SGCD: variants seen among roughly 807,000 people sequenced by gnomAD.
SGCD encodes the protein delta-sarcoglycan.
SGCD carries 18 observed loss-of-function variants against 36.6 expected under a neutral mutation model. That is an observed-to-expected ratio of 0.49 (90% CI 0.34 to 0.73). The LOEUF (loss-of-function observed/expected upper bound fraction) is 0.73, where lower values mean the gene tolerates loss of function less well. Among genes scored for constraint, SGCD ranks in the 30% least tolerant of loss-of-function variants. The pLI, the probability that SGCD is intolerant of heterozygous loss-of-function variation, is 0.01. For missense variants in SGCD, 387 were observed against 346.7 expected (o/e 1.12, Z -0.92); for synonymous variants, 133 against 130.6 (o/e 1.02, Z -0.12).
At chr5:155,933,093 A>C (rs949174842) in intron 1 of SGCD, among the ~76,000 whole-genome samples, 4 of 152,230 alleles carry the variant, frequency 2.6e-5, no homozygotes, top group Admixed American at 1.3e-4. Flanking sequence ...CCAAACCTCA[A>C]AGTTCCTATG....
intron 3 of SGCD, among the ~76,000 whole-genome samples, chr5:156,396,107 C>T (rs1043065496): frequency 2.6e-5 from 4 of 152,150 alleles, no homozygotes; most frequent in East Asian, 1.9e-4. Context: ...AAGTAAGCCC[C>T]GGAGGAGTTG....
upstream of SGCD, among the ~76,000 whole-genome samples, chr5:156,323,604 A>C (rs1220418187): frequency 6.6e-6 from 1 of 152,236 alleles, no homozygotes; most frequent in African/African-American, 2.4e-5. Flanking sequence ...GCTTATATTC[A>C]AGTGAAGATT....
chr5:156,759,309 C>T lies in SGCD; in HGVS notation c.792C>T (p.Cys264=), dbSNP rs367616773. The T allele has an allele frequency of 4.2e-5, 67 of 1,613,354 alleles. No individual in the cohort carries two copies. The highest frequency in any genetic ancestry group is 9.3e-5 in the African/African-American group (7 of 75,024). ...TGTRQKVFEI[C]VCANGRLFLS... ...CGAGGCAGAAGGTCTTCGAGATCTG[C>T]GTCTGCGCCAATGGGAGATTATTCC... is the stretch of plus-strand genomic sequence containing the variant. The change falls in exon 9 of 9, where the codon TGC becomes TGT. Residue 264 remains cysteine (C), a synonymous_variant. Transcript: ENST00000337851.
intron 3 of SGCD, among the ~76,000 whole-genome samples, chr5:156,445,304 G>A (rs890674511): frequency 2.6e-5 from 4 of 152,090 alleles, no homozygotes; most frequent in African/African-American, 4.8e-5. Context: ...TATGACTATA[G>A]GTAGCCAGAA....
the SGCD span, among the ~76,000 whole-genome samples, chr5:155,730,890 A>G: frequency 9.9e-5 from 15 of 152,198 alleles, no homozygotes; most frequent in Non-Finnish European, 2.2e-4. Flanking sequence ...CTGGCAGCAG[A>G]TCATCAAGGA....
chr5:155,787,601 GTTC>G, the SGCD span, among the ~76,000 whole-genome samples: 1 of 152,080 alleles, frequency 6.6e-6, no homozygotes, highest in African/African-American at 2.4e-5. Context: ...GAGTGTTGTG[GTTC>G]TTCCAGTTGC....
chr5:155,983,069 TTAAA>T (rs1758260960), intron 1 of SGCD, among the ~76,000 whole-genome samples: 1 of 152,204 alleles, frequency 6.6e-6, no homozygotes, highest in African/African-American at 2.4e-5. Flanking sequence ...CTTGTGTTTT[TTAAA>T]TACTTTTTTC....
Position 156,122,896 on chromosome 5 carries a change from G to C in SGCD, c.-207-960G>C, listed in dbSNP as rs958442. On this transcript the variant is annotated intron_variant, in intron 2 of 9. Coordinates refer to the SGCD transcript ENST00000517913. ...AAAAAAAAAAAAAAGGTCAGCTGCTGGATTTATTCTGAAGATAGTGCCACC... is the reference window on the plus strand; with the variant it reads ...AAAAAAAAAAAAAAGGTCAGCTGCTCGATTTATTCTGAAGATAGTGCCACC... Among the ~76,000 whole-genome samples, 1,146 of 134,928 alleles carry C rather than the reference G, an allele frequency of 8.5e-3. 67 individuals are homozygous for C. The East Asian group carries it at 0.17, about 20-fold the overall frequency. The allele number at this position is 134,928 out of a possible 152,430, so 88.5% of individuals were successfully genotyped here.
chr5:156,335,483 C>T (rs1046411057), intron 2 of SGCD, among the ~76,000 whole-genome samples: 14 of 152,122 alleles, frequency 9.2e-5, no homozygotes, highest in Admixed American at 3.3e-4. Flanking sequence ...ATTCATGTCC[C>T]GAAGCCCAGT....
chr5:155,937,158 C>A (rs891856269), intron 1 of SGCD, among the ~76,000 whole-genome samples: 2 of 152,132 alleles, frequency 1.3e-5, no homozygotes, highest in African/African-American at 4.8e-5. Flanking sequence ...CAGAGAGGCC[C>A]GGGTCTGCAG....
chr5:156,179,316 G>A (rs191830563), intron 3 of SGCD, among the ~76,000 whole-genome samples: 1 of 151,982 alleles, frequency 6.6e-6, no homozygotes, highest in Non-Finnish European at 1.5e-5. Context: ...GCAGCTACAT[G>A]CAATTTTTCA....
intron 3 of SGCD, among the ~76,000 whole-genome samples, chr5:156,346,778 C>CTTTTTTT (rs138672769): frequency 6.6e-6 from 1 of 150,704 alleles, no homozygotes. Context: ...TTGGGCTTTA[C>CTTTTTTT]TTTATTTTTT....
chr5:156,636,407 C>T (rs926199845), intron 6 of SGCD, among the ~76,000 whole-genome samples: 1 of 152,090 alleles, frequency 6.6e-6, no homozygotes, highest in Non-Finnish European at 1.5e-5. Flanking sequence ...CAAAGACTCC[C>T]ATAACAGGGT....
chr5:156,718,541 A>G (rs1266712615), intron 7 of SGCD, among the ~76,000 whole-genome samples: 1 of 152,086 alleles, frequency 6.6e-6, no homozygotes, highest in African/African-American at 2.4e-5. Flanking sequence ...GTACTTTGGG[A>G]GGCCGAGGTG....
At chr5:156,619,504 T>C (rs1260010186) in intron 6 of SGCD, among the ~76,000 whole-genome samples, 1 of 152,220 alleles carries the variant, frequency 6.6e-6, no homozygotes, top group Non-Finnish European at 1.5e-5. Flanking sequence ...CAGAGTATTT[T>C]CAAATGAGGA....
At chr5:156,755,146 T>C (rs1561898441) in intron 7 of SGCD, among the ~76,000 whole-genome samples, 1 of 152,174 alleles carries the variant, frequency 6.6e-6, no homozygotes, top group Non-Finnish European at 1.5e-5. Context: ...GAAGAAAGAT[T>C]TGTCCATGGT....
intron 1 of SGCD, among the ~76,000 whole-genome samples, chr5:155,904,640 G>T (rs1209280140): frequency 6.6e-6 from 1 of 152,142 alleles, no homozygotes; most frequent in African/African-American, 2.4e-5. Flanking sequence ...TTGTGCTTAT[G>T]ATCTGCTGAG....
intron 3 of SGCD, among the ~76,000 whole-genome samples, chr5:156,431,470 A>G (rs1753007741): frequency 6.6e-6 from 1 of 152,080 alleles, no homozygotes; most frequent in South Asian, 2.1e-4. Flanking sequence ...CCCCTTCTCC[A>G]AGTCCCTTCC....
In SGCD at chr5:156,307,445, T is replaced by A. The variant is rs142936055; in HGVS notation, c.-43-22089T>A. Among the ~76,000 whole-genome samples the A allele has an allele frequency of 6.3e-3, 960 of 152,246 alleles. 9 individuals carry two copies. Among genetic ancestry groups the A allele is most frequent in the African/African-American group, 0.018 (758 of 41,562 alleles). On this transcript the variant is annotated intron_variant, in intron 3 of 9. Transcript: ENST00000517913. The stretch of plus-strand genomic sequence containing the variant: ...CACATATTTAAATCCATTCTGCCAA[T>A]CTCTGTCTTTTTTATTAGAGAATTT...
Sources: allele counts gnomAD v4.1 joint callset (sites outside exome capture counted in the v4.1 genomes callset), GRCh38; gene constraint gnomAD v4.1.1; transcripts MANE v1.5; gene names NCBI Gene and HGNC (gene_info 2026-07-23, HGNC 2026-07-21).